Variants in SUMF1 observed in about 807,000 individuals in gnomAD.
SUMF1 encodes sulfatase modifying factor 1, also known as formylglycine-generating enzyme.
SUMF1 carries 48 observed loss-of-function variants against 47.6 expected under a neutral mutation model. The observed-to-expected ratio is 1.01, with a 90% CI of 0.80 to 1.28. SUMF1 has a LOEUF of 1.28. Among genes scored for constraint, SUMF1 ranks in the 50% most tolerant of loss-of-function variants. The pLI is 0.00. For synonymous variants in SUMF1, 230 were observed against 192.1 expected, an observed-to-expected ratio of 1.20 and a Z score of -1.63; for missense variants, 571 against 485.4, an observed-to-expected ratio of 1.18 and a Z score of -1.66.
At chr3:4,191,632 T>G (rs1695317305) in intron 8 of SUMF1, among the ~76,000 whole-genome samples, 1 of 152,022 alleles carries the variant, frequency 6.6e-6, no homozygotes, top group Non-Finnish European at 1.5e-5. Context: ...TGGGATATAT[T>G]TAGGCTGTAG....
intron 8 of SUMF1, among the ~76,000 whole-genome samples, chr3:4,131,296 T>G (rs1477264934): frequency 6.6e-6 from 1 of 152,124 alleles, no homozygotes; most frequent in Non-Finnish European, 1.5e-5. Context: ...TTGGCTCAAA[T>G]GCCCATGGTC....
chr3:4,282,526 C>T lies in SUMF1; in HGVS notation c.1014+93804G>A, dbSNP rs528844068. On this transcript the variant is annotated intron_variant and NMD_transcript_variant, in intron 8 of 12. Coordinates refer to the SUMF1 transcript ENST00000448413. The stretch of plus-strand genomic sequence containing the variant: ...GCAAAGAAGTAACTACTTGGTACTG[C>T]GAGTGGGGAAAAATCCTTATGGTAA... Among the ~76,000 whole-genome samples, 12 of 152,204 alleles carry T rather than the reference C, an allele frequency of 7.9e-5. No individual in the cohort carries two copies. The South Asian group carries it at 1.5e-3, about 18-fold the overall frequency.
At chr3:4,066,655 C>A (rs1695382795) in intron 9 of SUMF1, among the ~76,000 whole-genome samples, 1 of 151,762 alleles carries the variant, frequency 6.6e-6, no homozygotes, top group South Asian at 2.1e-4. Flanking sequence ...GCTATATACA[C>A]CCCCAACCCC....
rs561698865 is a variant in SUMF1, at chr3:4,269,870, T to C, written c.1014+106460A>G. ...AGACTAGAAAATGTAGGGTATACAA[T>C]ACAAGCTGCTCTTAGCTACCTGCAC... On this transcript the variant is annotated intron_variant and NMD_transcript_variant, in intron 8 of 12. Coordinates refer to the SUMF1 transcript ENST00000448413. Among the ~76,000 whole-genome samples the C allele has an allele frequency of 5.9e-5, 9 of 152,260 alleles. No individual in the cohort carries two copies. The East Asian group carries it at 1.4e-3, about 23-fold the overall frequency.
downstream of SUMF1, among the ~76,000 whole-genome samples, chr3:4,357,313 G>T (rs13101139): frequency 0.22 from 20,470 of 94,064 alleles, 1,626 homozygotes; most frequent in East Asian, 0.42. Flanking sequence ...GTTTACGGTG[G>T]TTTTTTTTTT....
At chr3:4,430,119 G>C (rs994883060) in intron 3 of SUMF1, among the ~76,000 whole-genome samples, 1 of 152,148 alleles carries the variant, frequency 6.6e-6, no homozygotes, top group Non-Finnish European at 1.5e-5. Flanking sequence ...TTACAATTCA[G>C]AACTTTTTCC....
At chr3:4,395,891 T>C (rs896702426) in intron 7 of SUMF1, among the ~76,000 whole-genome samples, 1 of 152,156 alleles carries the variant, frequency 6.6e-6, no homozygotes, top group Admixed American at 6.5e-5. Context: ...AAATAAACAA[T>C]AGCAGCTAAT....
At chr3:4,396,044 A>T (rs1007696639) in intron 7 of SUMF1, among the ~76,000 whole-genome samples, 9 of 152,240 alleles carry the variant, frequency 5.9e-5, no homozygotes, top group Admixed American at 2.0e-4. Context: ...GAAAGGTGGA[A>T]CTATTAACAC....
intron 8 of SUMF1, among the ~76,000 whole-genome samples, chr3:4,188,220 G>C (rs1695244476): frequency 6.6e-6 from 1 of 151,308 alleles, no homozygotes; most frequent in South Asian, 2.1e-4. Context: ...CTGTTACGCA[G>C]GCTGGAGTGC....
intron 8 of SUMF1, among the ~76,000 whole-genome samples, chr3:4,284,735 AT>A (rs1050511140): frequency 1.3e-5 from 2 of 152,156 alleles, no homozygotes; most frequent in African/African-American, 4.8e-5. Flanking sequence ...GAAAAAAAAA[AT>A]AGTACCATAG....
At chr3:4,133,126 T>G (rs1251107618) in intron 8 of SUMF1, among the ~76,000 whole-genome samples, 1 of 152,138 alleles carries the variant, frequency 6.6e-6, no homozygotes, top group South Asian at 2.1e-4. Context: ...GAGTACTTCC[T>G]TCTTCTTTTG....
intron 8 of SUMF1, among the ~76,000 whole-genome samples, chr3:4,309,288 A>C (rs1377454336): frequency 1.3e-5 from 2 of 151,832 alleles, no homozygotes; most frequent in Non-Finnish European, 2.9e-5. Flanking sequence ...GGCATGTCTG[A>C]CCCCTGCCCC....
At chr3:4,390,511 G>A (rs1395335534) in intron 7 of SUMF1, among the ~76,000 whole-genome samples, 4 of 152,146 alleles carry the variant, frequency 2.6e-5, no homozygotes, top group African/African-American at 9.7e-5. Context: ...CTTTTGTTGA[G>A]ACTTCCTTTG....
chr3:4,239,230 T>C lies in SUMF1; in HGVS notation c.1014+137100A>G, dbSNP rs574961758. Among the ~76,000 whole-genome samples the C allele has an allele frequency of 3.9e-5, 6 of 152,316 alleles. 1 individual carries two copies. Among genetic ancestry groups the C allele is most frequent in the South Asian group, 2.1e-4 (1 of 4,828 alleles). On this transcript the variant is annotated intron_variant and NMD_transcript_variant, in intron 8 of 12. Transcript: ENST00000448413. ...GTGTGATGCCTCCAGCTTTGTTCTT[T>C]TTGCTTAAGATTGTCTTGGCTATAT...
chr3:4,270,986 C>T (rs909534960), intron 8 of SUMF1, among the ~76,000 whole-genome samples: 4 of 152,168 alleles, frequency 2.6e-5, no homozygotes, highest in African/African-American at 9.7e-5. Flanking sequence ...AGAGAAAACA[C>T]TTAAGTCTGA....
rs111341488 is a variant in SUMF1, at chr3:4,091,810, T to C, written c.1015-23065A>G. Among the ~76,000 whole-genome samples the C allele has an allele frequency of 8.7e-3, 1,315 of 151,626 alleles. 29 individuals are homozygous for C. The highest frequency in any genetic ancestry group is 0.026 in the African/African-American group (1,071 of 41,260). ...TCATTTACTCACAAGGACATACAGC[T>C]CACAGCCTGGTTCAGAACATAGTCA... On this transcript the variant is annotated intron_variant and NMD_transcript_variant, in intron 8 of 12. Transcript: ENST00000448413.
intron 8 of SUMF1, among the ~76,000 whole-genome samples, chr3:4,109,020 C>T (rs1351889194): frequency 6.6e-6 from 1 of 152,084 alleles, no homozygotes; most frequent in African/African-American, 2.4e-5. Context: ...TTCCTAGCCT[C>T]CATGGTCTTT....
At chr3:4,111,787 C>T (rs114557818) in intron 8 of SUMF1, among the ~76,000 whole-genome samples, 4,693 of 152,014 alleles carry the variant, frequency 0.031, 270 homozygotes, top group African/African-American at 0.11. Context: ...AATGTGTTTA[C>T]GTGTATGTAT....
chr3:4,392,611 GTGTGTATA>G lies in SUMF1; in HGVS notation c.955-16230_955-16223del, dbSNP rs1475737104. Among the ~76,000 whole-genome samples, 603 of 127,748 alleles carry G rather than the reference GTGTGTATA, an allele frequency of 4.7e-3. 4 individuals are homozygous for G. Among genetic ancestry groups the G allele is most frequent in the African/African-American group, 0.019 (573 of 29,440 alleles). 83.8% of individuals were successfully genotyped at this position (127,748 alleles called of 152,430 possible). A position where few individuals can be genotyped will look rare whatever the true frequency, so the allele number is the denominator to read the frequency against. On this transcript the variant is annotated intron_variant, in intron 7 of 8. Transcript: ENST00000272902. ...GATATATATGTGTGTGTGTGTGTGT[GTGTGTATA>G]TATATATATATATATATATATCTAC...
Sources: allele counts gnomAD v4.1 joint callset (sites outside exome capture counted in the v4.1 genomes callset), GRCh38; gene constraint gnomAD v4.1.1; transcripts MANE v1.5; gene names NCBI Gene and HGNC (gene_info 2026-07-23, HGNC 2026-07-21).